Variants in CWH43 observed in about 807,000 individuals in gnomAD.
CWH43 encodes PGAP2-interacting protein.
Under a neutral mutation model 85.7 loss-of-function variants are expected in CWH43, and 91 were observed. The ratio of observed to expected loss-of-function variants is 1.06; its 90% CI spans 0.90 to 1.26. CWH43 has a LOEUF of 1.26. Among genes scored for constraint, CWH43 ranks in the 50% most tolerant of loss-of-function variants. The pLI is 0.00. For missense variants in CWH43, 869 were observed against 839.2 expected, an observed-to-expected ratio of 1.04 and a Z score of -0.44; for synonymous variants, 323 against 293.6, an observed-to-expected ratio of 1.10 and a Z score of -1.02.
chr4:49,061,576 T>G (rs1436823371), intron 15 of CWH43, among the ~76,000 whole-genome samples: 1 of 152,182 alleles, frequency 6.6e-6, no homozygotes, highest in South Asian at 2.1e-4. Context: ...AATCTGGACT[T>G]ATTTTTCAGC....
intron 14 of CWH43, among the ~76,000 whole-genome samples, chr4:49,049,514 T>C (rs1365112121): frequency 6.6e-6 from 1 of 150,884 alleles, no homozygotes; most frequent in Non-Finnish European, 1.5e-5. Flanking sequence ...GATTCTTATC[T>C]CACTCTAAAA....
intron 15 of CWH43, among the ~76,000 whole-genome samples, chr4:49,057,973 C>T (rs760910323): frequency 7.2e-5 from 11 of 152,154 alleles, no homozygotes; most frequent in African/African-American, 2.2e-4. Flanking sequence ...TCCAAACCTT[C>T]GCTTTCAGTC....
intron 7 of CWH43, among the ~76,000 whole-genome samples, 169 bp downstream of exon 7, chr4:49,004,161 T>C (rs1783081143): frequency 6.6e-6 from 1 of 152,232 alleles, no homozygotes; most frequent in Admixed American, 6.5e-5. Flanking sequence ...GATGTCTAAA[T>C]TATAAATTAA....
chr4:49,024,211 C>T (rs1783834241), intron 9 of CWH43, among the ~76,000 whole-genome samples: 1 of 152,178 alleles, frequency 6.6e-6, no homozygotes, highest in Non-Finnish European at 1.5e-5. Flanking sequence ...TTTTCCACCC[C>T]TTTACCTTAA....
rs768198459 is a variant in CWH43, at chr4:48,988,562, A to G, written c.129A>G (p.Glu43=). The change falls in exon 2 of 16, where the codon GAA becomes GAG. Residue 43 remains glutamate (E), a synonymous_variant. Transcript: ENST00000226432. The stretch of plus-strand genomic sequence containing the variant: ...AAACACTAGAACTCACTGGGCTTGA[A>G]GGTTTTAGTATAGCATTTCTTTCTC... ...PLQTLELTGL[E]GFSIAFLSPI... is the part of the protein sequence containing the mutation. 6.2e-6 allele frequency: 10 copies of G among 1,613,402 alleles called. No homozygotes were observed. In the South Asian group the frequency reaches 7.7e-5, roughly 12 times the overall value.
At chr4:49,016,831 T>C in intron 8 of CWH43, 2 of 778,834 alleles carry the variant, frequency 2.6e-6, no homozygotes, top group South Asian at 1.3e-5. Context: ...TTCTGCTCAA[T>C]CAGTTCATCT....
At chr4:49,023,151 A>G (rs1259743375) in intron 9 of CWH43, among the ~76,000 whole-genome samples, 2 of 152,002 alleles carry the variant, frequency 1.3e-5, no homozygotes, top group Non-Finnish European at 2.9e-5. Context: ...TGCTGTTTCA[A>G]ACTTTTTGAT....
At chr4:49,034,513 A>G (rs1459254504) in intron 12 of CWH43, among the ~76,000 whole-genome samples, 1 of 152,194 alleles carries the variant, frequency 6.6e-6, no homozygotes, top group Non-Finnish European at 1.5e-5. Context: ...CTTTCTGTTA[A>G]CCACCTACTT....
At chr4:49,005,691 C>T (rs1345246569) in intron 7 of CWH43, among the ~76,000 whole-genome samples, 3 of 151,748 alleles carry the variant, frequency 2.0e-5, no homozygotes, top group Non-Finnish European at 4.4e-5. Context: ...CAGGCACACA[C>T]CACCATGCCT....
Position 49,061,998 on chromosome 4 carries a change from C to T in CWH43, c.*108C>T. 5 of 852,384 alleles carry T rather than the reference C, an allele frequency of 5.9e-6. No homozygotes were observed. The highest frequency in any genetic ancestry group is 7.8e-6 in the Non-Finnish European group (5 of 637,080). The allele number at this position is 852,384 out of a possible 1,614,324, so 52.8% of individuals were successfully genotyped here. ...GGAAAATACACATGAAGAACCTCAA[C>T]TTAAAAAACACATGGTATCTATGCA... On this transcript the variant is annotated 3_prime_UTR_variant, in exon 16 of 16. Coordinates refer to ENST00000226432, the MANE Select transcript of CWH43 (RefSeq NM_025087.3).
At position 49,007,262 on chromosome 4, in the gene CWH43, G is replaced by T. The variant is rs1783189308; in HGVS notation, c.1122G>T (p.Leu374Phe). The change falls in exon 8 of 16, where the codon TTG becomes TTT. Residue 374 changes from leucine to phenylalanine, a missense_variant. By Grantham distance (22) the Leu-to-Phe change is conservative (BLOSUM62 0). Around this residue, in one of 3 missense-constraint regions of CWH43, gnomAD observed 577 missense variants for 513.1 expected, o/e 1.12. Coordinates refer to ENST00000226432, the MANE Select transcript of CWH43 (RefSeq NM_025087.3). Reference sequence around the variant, plus strand: ...TTGGTCCTAAGAAAAACCTTGACTTGCTTCTTCAAACAAAAAACAGTTCTA... The same window carrying T: ...TTGGTCCTAAGAAAAACCTTGACTTTCTTCTTCAAACAAAAAACAGTTCTA... ...MLFGPKKNLDLLLQTKNSSKV... is the reference protein window; with the variant it reads ...MLFGPKKNLDFLLQTKNSSKV... The T allele has an allele frequency of 1.9e-6, 3 of 1,611,630 alleles. No individual in the cohort carries two copies. The East Asian group carries it at 6.7e-5, about 36-fold the overall frequency.
At chr4:49,053,408 A>G (rs763221995) in intron 15 of CWH43, among the ~76,000 whole-genome samples, 26 of 152,190 alleles carry the variant, frequency 1.7e-4, no homozygotes, top group Admixed American at 3.3e-4. Flanking sequence ...ACATTCCCAC[A>G]ACAGTGAACA....
chr4:49,041,040 G>T (rs947206685), intron 13 of CWH43, among the ~76,000 whole-genome samples: 5 of 152,160 alleles, frequency 3.3e-5, no homozygotes, highest in African/African-American at 1.2e-4. Flanking sequence ...GTTTGTCAAA[G>T]ATCAGATAGT....
At chr4:49,015,461 C>A (rs1231000800) in intron 8 of CWH43, among the ~76,000 whole-genome samples, 1 of 152,076 alleles carries the variant, frequency 6.6e-6, no homozygotes, top group Non-Finnish European at 1.5e-5. Context: ...TTCTCTTTGG[C>A]AGCTCTTAAG....
At chr4:49,012,321 A>G (rs970392645) in intron 8 of CWH43, among the ~76,000 whole-genome samples, 2 of 152,164 alleles carry the variant, frequency 1.3e-5, no homozygotes, top group African/African-American at 2.4e-5. Context: ...TTTCAACTCC[A>G]TCAGGTCATT....
intron 9 of CWH43, among the ~76,000 whole-genome samples, chr4:49,022,723 C>A (rs1372754622): frequency 6.6e-6 from 1 of 152,010 alleles, no homozygotes; most frequent in Non-Finnish European, 1.5e-5. Flanking sequence ...TTCAATCTGG[C>A]TGCTTTTCAT....
At chr4:49,036,832 G>A (rs1415040014) in intron 12 of CWH43, among the ~76,000 whole-genome samples, 1 of 152,126 alleles carries the variant, frequency 6.6e-6, no homozygotes, top group Non-Finnish European at 1.5e-5. Context: ...TCTCTGGGAG[G>A]AGCTGAGTCT....
chr4:49,033,776 C>G (rs1451005178), intron 12 of CWH43, among the ~76,000 whole-genome samples: 1 of 152,138 alleles, frequency 6.6e-6, no homozygotes, highest in Admixed American at 6.6e-5. Flanking sequence ...TATACTTGAC[C>G]ATACTAAACC....
At position 49,003,818 on chromosome 4, in the gene CWH43, T is replaced by A; in HGVS notation, c.886T>A (p.Ser296Thr). Residue 296 changes from serine to threonine, a missense_variant, in exon 7 of 16, where the codon TCC becomes ACC. Ser to Thr is a moderately conservative substitution (Grantham distance 58). Transcript: ENST00000226432. ...SGCVFAIFTASMWPQTLGHLI... is the reference protein window; with the variant it reads ...SGCVFAIFTATMWPQTLGHLI... ...CTGTGTCTTCGCCATCTTTACTGCA[T>A]CCATGTGGCCCCAAACACTTGGACA... 6.2e-7 allele frequency: 1 copy of A among 1,614,042 alleles called. No homozygotes were observed.
Sources: gnomAD v4.1 joint callset for allele counts (sites outside exome capture counted in the v4.1 genomes callset) on GRCh38, gnomAD v4.1.1 for gene constraint, gnomAD v4.1.1 regional missense constraint, MANE v1.5 for transcripts, NCBI Gene and HGNC (gene_info 2026-07-23, HGNC 2026-07-21) for gene names.